Variants in SPDL1 observed in about 807,000 individuals in gnomAD.
The protein encoded by SPDL1 is spindle apparatus coiled-coil protein 1, also known as protein Spindly.
SPDL1 carries 85 observed loss-of-function variants against 79.5 expected under a neutral mutation model. That is an observed-to-expected ratio of 1.07 (90% CI 0.90 to 1.28). The LOEUF (loss-of-function observed/expected upper bound fraction) is 1.28. SPDL1 is among the 50% of genes most tolerant of loss of function. SPDL1 has a pLI of 0.00. For missense variants in SPDL1, 703 were observed against 697.8 expected (o/e 1.01, Z -0.08); for synonymous variants, 269 against 240.3 (o/e 1.12, Z -1.10).
At position 169,588,667 on chromosome 5, in the gene SPDL1, T is replaced by G. The variant is rs549630310; in HGVS notation, c.159+92T>G. 1.4e-4 allele frequency: 171 copies of G among 1,209,676 alleles called. 1 individual carries two copies. In the African/African-American group the frequency reaches 2.5e-3, roughly 18 times the overall value. The allele number at this position is 1,209,676 out of a possible 1,614,324, so 74.9% of individuals were successfully genotyped here. Reference sequence around the variant, plus strand: ...ATTAATAGTAGTAGTAGTTTATTCTTTTCTGAAGATTTTAGATCTAGTTCC... The same window carrying G: ...ATTAATAGTAGTAGTAGTTTATTCTGTTCTGAAGATTTTAGATCTAGTTCC... On this transcript the variant is annotated intron_variant, in intron 2 of 11. Transcript: ENST00000265295.
rs1179772986 is a variant in SPDL1 at position 169,604,164 on chromosome 5, T to A, written c.1775T>A (p.Val592Glu). The A allele has an allele frequency of 6.2e-7, 1 of 1,610,424 alleles. No individual in the cohort carries two copies. Among genetic ancestry groups the A allele is most frequent in the East Asian group, 2.2e-5 (1 of 44,754 alleles). ...TCKKLHPILY[V>E]SSKSTPETQC... ...AAGAAATTACACCCTATTCTATATG[T>A]GTCTTCTAAATCTACTCCAGAGACC... Residue 592 changes from valine (V) to glutamate (E), a missense_variant, in exon 12 of 12, where the codon GTG (valine) becomes GAG (glutamate). Coordinates refer to ENST00000265295, the MANE Select transcript of SPDL1 (RefSeq NM_017785.5).
In SPDL1 at chr5:169,594,560, A is replaced by G; in HGVS notation, c.781-11A>G. 2 of 1,613,104 alleles carry G rather than the reference A, an allele frequency of 1.2e-6. No individual in the cohort carries two copies. The highest frequency in any genetic ancestry group is 1.3e-5 in the African/African-American group (1 of 75,038). ...ACTACCAGAACAATTAAGCATGTTA[A>G]TATTTTGTAGGTGGAAGATCGAAGG... On this transcript the variant is annotated splice_polypyrimidine_tract_variant and intron_variant, in intron 6 of 11. Coordinates refer to ENST00000265295, the MANE Select transcript of SPDL1 (RefSeq NM_017785.5).
chr5:169,587,377 G>A (rs530399995), intron 1 of SPDL1: 1 of 152,310 alleles, frequency 6.6e-6, no homozygotes, highest in African/African-American at 2.4e-5. Context: ...GCAAAGGTGA[G>A]TTTGAGTCTC....
intron 8 of SPDL1, 126 bp downstream of exon 8, chr5:169,596,827 G>A: frequency 2.7e-6 from 2 of 749,662 alleles, no homozygotes; most frequent in Non-Finnish European, 4.1e-6. Context: ...CTAAGTAAAT[G>A]GCTGTTTCTC....
At chr5:169,595,428 G>A (rs1199430894) in intron 7 of SPDL1, 2 of 152,232 alleles carry the variant, frequency 1.3e-5, no homozygotes, top group Non-Finnish European at 2.9e-5. Context: ...TCACTTGCTA[G>A]CTCTGTGACC....
intron 11 of SPDL1, among the ~76,000 whole-genome samples, chr5:169,602,661 C>A (rs1244783528): frequency 6.6e-6 from 1 of 152,176 alleles, no homozygotes; most frequent in African/African-American, 2.4e-5. Flanking sequence ...TAATATTCAA[C>A]AGTAAAAGCA....
intron 3 of SPDL1, among the ~76,000 whole-genome samples, chr5:169,592,598 T>C (rs959830697): frequency 2.0e-5 from 3 of 152,194 alleles, no homozygotes; most frequent in Admixed American, 2.0e-4. Flanking sequence ...TCATGTAATA[T>C]ATAATCATCT....
In SPDL1 at chr5:169,596,660, A is replaced by C. The variant is rs1355187641; in HGVS notation, c.991A>C (p.Lys331Gln). ...GTTGGAGCAGAAGAATGGTGAAATAAAACATCTTTTAGGTGAAATTAGAAA... is the reference window on the plus strand; with the variant it reads ...GTTGGAGCAGAAGAATGGTGAAATACAACATCTTTTAGGTGAAATTAGAAA... The part of the protein sequence containing the change: ...AMLEQKNGEI[K>Q]HLLGEIRNLE... The change falls in exon 8 of 12, where the codon AAA (lysine) becomes CAA (glutamine). Residue 331 changes from lysine to glutamine, a missense_variant. Coordinates refer to ENST00000265295, the MANE Select transcript of SPDL1 (RefSeq NM_017785.5). 1.9e-6 allele frequency: 3 copies of C among 1,603,240 alleles called. No homozygotes were observed. Among genetic ancestry groups the C allele is most frequent in the Non-Finnish European group, 2.5e-6 (3 of 1,177,146 alleles).
chr5:169,600,648 G>T (rs1411100049), intron 10 of SPDL1, among the ~76,000 whole-genome samples: 1 of 152,178 alleles, frequency 6.6e-6, no homozygotes, highest in Non-Finnish European at 1.5e-5. Flanking sequence ...ATGATATTAG[G>T]CCATGAGGAT....
chr5:169,600,167 C>T (rs1755808058), intron 10 of SPDL1, among the ~76,000 whole-genome samples: 2 of 152,172 alleles, frequency 1.3e-5, no homozygotes, highest in African/African-American at 4.8e-5. Flanking sequence ...AAGTTTTTGT[C>T]CCCGCACTCT....
intron 4 of SPDL1, 112 bp downstream of exon 4, chr5:169,593,660 G>C: frequency 9.4e-7 from 1 of 1,058,440 alleles, no homozygotes; most frequent in Non-Finnish European, 1.3e-6. Context: ...AACATTTTTT[G>C]ACCTAACTTG....
chr5:169,588,327 T>C, intron 1 of SPDL1, 67 bp from the exon 2 acceptor site: 2 of 1,096,120 alleles, frequency 1.8e-6, no homozygotes, highest in Non-Finnish European at 1.3e-6. Context: ...ATGTTTCTTC[T>C]GTTATTGATA....
chr5:169,594,172 CTACAA>C lies in SPDL1; in HGVS notation c.564_568del (p.Tyr189ThrfsTer10). 1 of 1,611,608 alleles carries C rather than the reference CTACAA, an allele frequency of 6.2e-7. No individual in the cohort carries two copies. The highest frequency in any genetic ancestry group is 8.5e-7 in the Non-Finnish European group (1 of 1,179,198). ...CACCCTCAAAGAAGAAGTGAATGAA[CTACAA>C]TACAGACAAGAACAGCTAGAACTTC... On this transcript the variant is annotated frameshift_variant, in exon 5 of 12. Coordinates refer to ENST00000265295, the MANE Select transcript of SPDL1 (RefSeq NM_017785.5). LOFTEE classifies it high-confidence loss of function.
At chr5:169,601,007 A>G (rs1315238467) in intron 10 of SPDL1, among the ~76,000 whole-genome samples, 1 of 152,224 alleles carries the variant, frequency 6.6e-6, no homozygotes, top group Non-Finnish European at 1.5e-5. Flanking sequence ...TTTTCAAAAC[A>G]CCAAGAGAGA....
Position 169,596,593 on chromosome 5 carries a change from G to C in SPDL1, c.924G>C (p.Gly308=), listed in dbSNP as rs1177915822. 6.2e-7 allele frequency: 1 copy of C among 1,611,542 alleles called. No homozygotes were observed. The highest frequency in any genetic ancestry group is 8.5e-7 in the Non-Finnish European group (1 of 1,179,142). Residue 308 remains glycine, a synonymous_variant, in exon 8 of 12, where the codon GGG becomes GGC. Coordinates refer to ENST00000265295, the MANE Select transcript of SPDL1 (RefSeq NM_017785.5). The stretch of plus-strand genomic sequence containing the variant: ...TTGCCACGTTGCTACAGATGAAAGG[G>C]TCTCAAACTGAATTTGAGCAGCAGG... ...LQIATLLQMK[G]SQTEFEQQER... is the part of the protein sequence containing the mutation.
intron 9 of SPDL1, 36 bp from the exon 10 acceptor site, chr5:169,598,936 T>C (rs1374003652): frequency 2.0e-6 from 3 of 1,511,354 alleles, no homozygotes; most frequent in Non-Finnish European, 2.7e-6. Context: ...ATATGCTGTC[T>C]TAATACTCGT....
At chr5:169,589,360 C>G (rs1275873211) in intron 2 of SPDL1, among the ~76,000 whole-genome samples, 1 of 152,136 alleles carries the variant, frequency 6.6e-6, no homozygotes, top group Non-Finnish European at 1.5e-5. Context: ...GAATAACACA[C>G]CAAAGGTCAT....
chr5:169,591,236 T>C lies in SPDL1; in HGVS notation c.336+12T>C. On this transcript the variant is annotated intron_variant, in intron 3 of 11. Transcript: ENST00000265295. ...AACTAAAAACTAAGGTTGGGATATC[T>C]GCGTATTTCAGCACAAAATATTCCA... The C allele has an allele frequency of 6.2e-7, 1 of 1,606,672 alleles. No individual in the cohort carries two copies. The highest frequency in any genetic ancestry group is 8.5e-7 in the Non-Finnish European group (1 of 1,176,292).
chr5:169,592,765 G>A (rs1755361076), intron 3 of SPDL1, among the ~76,000 whole-genome samples: 1 of 149,880 alleles, frequency 6.7e-6, no homozygotes, highest in Non-Finnish European at 1.5e-5. Context: ...AGTAATAAAG[G>A]GAGTATTCAG....
Sources: allele counts gnomAD v4.1 joint callset (sites outside exome capture counted in the v4.1 genomes callset), GRCh38; gene constraint gnomAD v4.1.1; transcripts MANE v1.5; gene names NCBI Gene and HGNC (gene_info 2026-07-23, HGNC 2026-07-21).